The following HMCN1 variants were observed in gnomAD, a reference collection of about 807,000 sequenced individuals.
HMCN1 encodes hemicentin-1.
In HMCN1, 321 loss-of-function variants were observed where a neutral mutation model predicts 625.9. The observed-to-expected ratio is 0.51, with a 90% confidence interval of 0.47 to 0.56. The LOEUF (loss-of-function observed/expected upper bound fraction) is 0.56. Ranked by LOEUF, HMCN1 falls within the 20% of genes least tolerant of loss-of-function variation. HMCN1 has a pLI of 0.00. For synonymous variants in HMCN1, 2,425 were observed against 2,417.6 expected (o/e 1.00, Z -0.09); for missense variants, 6,588 against 6,887.3 (o/e 0.96, Z 1.54).
rs1161307823 is a variant in HMCN1, at chr1:186,103,571, C to T, written c.10673C>T (p.Pro3558Leu). 1.2e-6 allele frequency: 2 copies of T among 1,613,896 alleles called. No individual in the cohort carries two copies. Among genetic ancestry groups the T allele is most frequent in the South Asian group, 1.1e-5 (1 of 91,082 alleles). ...TGCATTGCTTCTGGAATCCCAGCCC[C>T]TAAAATGACCTGGATGAAAGATGGC... ...LTCIASGIPA[P>L]KMTWMKDGRP... Residue 3558 changes from proline (P) to leucine (L), a missense_variant, in exon 69 of 107, where the codon CCT (proline) becomes CTT (leucine). Pro to Leu is a moderately conservative substitution (Grantham distance 98). This residue lies in a region of HMCN1 where 4,628 missense variants were observed against 4,853.1 expected (regional missense o/e 0.95). Transcript: ENST00000271588.
chr1:185,951,912 G>A (rs1411791825), intron 11 of HMCN1, among the ~76,000 whole-genome samples: 1 of 151,900 alleles, frequency 6.6e-6, no homozygotes, highest in Non-Finnish European at 1.5e-5. Flanking sequence ...CACCTTGAAG[G>A]TGAGGTTAAT....
intron 98 of HMCN1, among the ~76,000 whole-genome samples, chr1:186,165,446 AC>A (rs760776683): frequency 6.6e-6 from 1 of 152,348 alleles, no homozygotes; most frequent in Non-Finnish European, 1.5e-5. Context: ...AGAGATAGTG[AC>A]TAAGTATAGA....
chr1:186,167,763 C>G (rs1278144736), intron 100 of HMCN1, among the ~76,000 whole-genome samples: 1 of 152,190 alleles, frequency 6.6e-6, no homozygotes, highest in Non-Finnish European at 1.5e-5. Flanking sequence ...AGATTGCCTT[C>G]TTTCACTTAG....
chr1:185,863,928 AAG>A (rs1226171034), intron 2 of HMCN1, among the ~76,000 whole-genome samples: 1 of 152,170 alleles, frequency 6.6e-6, no homozygotes, highest in Non-Finnish European at 1.5e-5. Flanking sequence ...TGATTTAGTA[AAG>A]AGTGTGATGG....
chr1:185,909,841 C>G (rs1441374277), intron 5 of HMCN1, among the ~76,000 whole-genome samples: 1 of 152,004 alleles, frequency 6.6e-6, no homozygotes, highest in African/African-American at 2.4e-5. Context: ...CTGTCAAATT[C>G]AGTATTTTAC....
chr1:186,161,910 T>G (rs1359178620), intron 97 of HMCN1, among the ~76,000 whole-genome samples: 1 of 152,152 alleles, frequency 6.6e-6, no homozygotes, highest in Non-Finnish European at 1.5e-5. Context: ...GAGTTGCTCT[T>G]CTCAAGGAGT....
intron 6 of HMCN1, among the ~76,000 whole-genome samples, chr1:185,914,902 A>C (rs1388028100): frequency 6.6e-6 from 1 of 152,034 alleles, no homozygotes; most frequent in Non-Finnish European, 1.5e-5. Flanking sequence ...GAACTATATA[A>C]ATATTTATGA....
At chr1:186,093,743 A>G in intron 66 of HMCN1, 74 bp downstream of exon 66, 1 of 1,588,426 alleles carries the variant, frequency 6.3e-7, no homozygotes, top group South Asian at 1.1e-5. Context: ...TCATTTAAAC[A>G]GTGTTGAAGA....
chr1:185,822,984 C>T (rs917304289), intron 1 of HMCN1, among the ~76,000 whole-genome samples: 1 of 152,102 alleles, frequency 6.6e-6, no homozygotes, highest in Non-Finnish European at 1.5e-5. Flanking sequence ...ATATTTCACT[C>T]ATCTCCTCTT....
At position 186,007,125 on chromosome 1, in the gene HMCN1, T is replaced by C. The variant is rs1353761990; in HGVS notation, c.4476-3T>C. Reference sequence around the variant, plus strand: ...CCATGGAATAAAGTTTTATTTTTTCTAGGCCTTTATTTTTGGGCGATCCTA... The same window carrying C: ...CCATGGAATAAAGTTTTATTTTTTCCAGGCCTTTATTTTTGGGCGATCCTA... On this transcript the variant is annotated splice_polypyrimidine_tract_variant and splice_region_variant and intron_variant, in intron 29 of 106. Transcript: ENST00000271588. 3 of 1,609,498 alleles carry C rather than the reference T, an allele frequency of 1.9e-6. No homozygotes were observed. The highest frequency in any genetic ancestry group is 2.2e-5 in the South Asian group (2 of 90,978).
chr1:185,855,099 G>C (rs1000026423), intron 2 of HMCN1, among the ~76,000 whole-genome samples: 1 of 152,174 alleles, frequency 6.6e-6, no homozygotes, highest in Non-Finnish European at 1.5e-5. Context: ...AGCAAGTATA[G>C]GTATGGTGAA....
intron 4 of HMCN1, among the ~76,000 whole-genome samples, chr1:185,904,523 A>C (rs1019392912): frequency 6.6e-6 from 1 of 151,862 alleles, no homozygotes; most frequent in African/African-American, 2.4e-5. Context: ...AAACACCTGC[A>C]TTAAATTTTT....
At chr1:185,834,172 T>C (rs1424097030) in intron 1 of HMCN1, among the ~76,000 whole-genome samples, 2 of 152,202 alleles carry the variant, frequency 1.3e-5, no homozygotes, top group African/African-American at 4.8e-5. Flanking sequence ...TGGGAGAATG[T>C]ATAAGTGAAT....
rs58407499 is a variant in HMCN1 at position 186,083,500 on chromosome 1, T to TAAAAAAA, written c.8884+551_8884+557dup. Among the ~76,000 whole-genome samples the TAAAAAAA allele has an allele frequency of 6.1e-3, 756 of 123,596 alleles. 18 individuals are homozygous for TAAAAAAA. Among genetic ancestry groups the TAAAAAAA allele is most frequent in the African/African-American group, 0.022 (701 of 31,850 alleles). 81.1% of individuals were successfully genotyped at this position (123,596 alleles called of 152,430 possible). On this transcript the variant is annotated intron_variant, in intron 57 of 106. Coordinates refer to ENST00000271588, the MANE Select transcript of HMCN1 (RefSeq NM_031935.3). Reference sequence around the variant, plus strand: ...ACACTCCATAAATACCACTTTTTGCTAAAAAAAAAAAAAAAAAAGTAGTTG... The same window carrying TAAAAAAA: ...ACACTCCATAAATACCACTTTTTGCTAAAAAAAAAAAAAAAAAAAAAAAAAGTAGTTG...
intron 36 of HMCN1, among the ~76,000 whole-genome samples, chr1:186,034,673 G>T (rs1241060130): frequency 2.0e-5 from 3 of 152,130 alleles, no homozygotes; most frequent in Admixed American, 1.3e-4. Flanking sequence ...AAGTTTGACT[G>T]AGCTGGAGAG....
rs1331545722 is a variant in HMCN1 at position 186,129,974 on chromosome 1, G to C, written c.12913G>C (p.Asp4305His). Residue 4305 changes from aspartate to histidine, a missense_variant, in exon 84 of 107, where the codon GAC (aspartate) becomes CAC (histidine). Around this residue, in one of 3 missense-constraint regions of HMCN1, gnomAD observed 1,954 missense variants for 2,013.1 expected, o/e 0.97. Transcript: ENST00000271588. ...TTTCTTGTTTCCCTCAGCCCACTTT[G>C]ACAGTGTGAATGGACACAGTGAACT... ...FNNNIIPAHFDSVNGHSELVI... is the reference protein window; with the variant it reads ...FNNNIIPAHFHSVNGHSELVI... 1.2e-6 allele frequency: 2 copies of C among 1,612,746 alleles called. No individual in the cohort carries two copies. Among genetic ancestry groups the C allele is most frequent in the African/African-American group, 2.7e-5 (2 of 74,834 alleles).
In HMCN1 at chr1:185,994,850, A is replaced by G; in HGVS notation, c.3541A>G (p.Lys1181Glu). 6.2e-7 allele frequency: 1 copy of G among 1,609,300 alleles called. No homozygotes were observed. Among genetic ancestry groups the G allele is most frequent in the Non-Finnish European group, 8.5e-7 (1 of 1,175,704 alleles). ...GATACAGCGTGGACCTAAACATCTC[A>G]AAGTCCAAGTTGGTCAAAGAGTGGA... ...PKIQRGPKHL[K>E]VQVGQRVDIP... The change falls in exon 24 of 107, where the codon AAA becomes GAA. Residue 1181 changes from lysine to glutamate, a missense_variant. Physicochemically the swap from Lys to Glu is moderately conservative, Grantham distance 56. Around this residue, in one of 3 missense-constraint regions of HMCN1, gnomAD observed 4,628 missense variants for 4,853.1 expected, o/e 0.95. Transcript: ENST00000271588.
intron 2 of HMCN1, among the ~76,000 whole-genome samples, chr1:185,854,183 A>T (rs1317121600): frequency 1.3e-5 from 2 of 152,190 alleles, no homozygotes; most frequent in Non-Finnish European, 2.9e-5. Context: ...GCAGCTAAAA[A>T]ACAAACTCAT....
Position 186,082,992 on chromosome 1 carries a change from G to C in HMCN1, c.8884+31G>C, listed in dbSNP as rs199967243. 7 of 1,336,046 alleles carry C rather than the reference G, an allele frequency of 5.2e-6. No individual in the cohort carries two copies. The Admixed American group carries it at 1.3e-4, about 25-fold the overall frequency. The allele number at this position is 1,336,046 out of a possible 1,614,324, so 82.8% of individuals were successfully genotyped here. ...AGCTCAGTTCCAAAACCATCTGTTA[G>C]GGTATGCTTGGAAAAGCAGAAAATT... On this transcript the variant is annotated intron_variant, in intron 57 of 106. Coordinates refer to ENST00000271588, the MANE Select transcript of HMCN1 (RefSeq NM_031935.3).
Sources: gnomAD v4.1 joint callset for allele counts (sites outside exome capture counted in the v4.1 genomes callset) on GRCh38, gnomAD v4.1.1 for gene constraint, gnomAD v4.1.1 regional missense constraint, MANE v1.5 for transcripts, NCBI Gene and HGNC (gene_info 2026-07-23, HGNC 2026-07-21) for gene names.